The following DMD variants were observed in gnomAD, a reference collection of about 807,000 sequenced individuals.
The protein encoded by DMD is mutant dystrophin.
A neutral mutation model predicts 330.1 loss-of-function variants in DMD; 63 were observed. The observed-to-expected ratio is 0.19, with a 90% CI of 0.16 to 0.24. The LOEUF (loss-of-function observed/expected upper bound fraction) is 0.24. Ranked by LOEUF, DMD falls within the 10% of genes least tolerant of loss-of-function variation. DMD has a pLI of 1.00. For missense variants in DMD, 3,344 were observed against 2,684.1 expected (o/e 1.25, Z -5.43); for synonymous variants, 1,223 against 959.8 (o/e 1.27, Z -5.07).
intron 2 of DMD, among the ~76,000 whole-genome samples, chrX:33,018,539 G>A (rs1001891696): frequency 3.6e-5 from 4 of 111,575 alleles, no homozygotes; most frequent in Non-Finnish European, 7.5e-5. Context: ...TGCACAGAGC[G>A]AAGATCTATT....
At chrX:33,281,034 A>G (rs1249641783) in intron 1 of DMD, among the ~76,000 whole-genome samples, 1 of 112,016 alleles carries the variant, frequency 8.9e-6, no homozygotes, top group East Asian at 2.8e-4. Flanking sequence ...GAGAATTCAC[A>G]TCTTTACTAT....
intron 60 of DMD, chrX:31,435,709 C>T (rs2064464660): frequency 9.0e-6 from 1 of 111,714 alleles, no homozygotes; most frequent in Non-Finnish European, 1.9e-5. Flanking sequence ...TACTGGCGGC[C>T]ATGTGAGAAC....
At chrX:32,918,183 C>T (rs573698682) in intron 2 of DMD, among the ~76,000 whole-genome samples, 5 of 110,651 alleles carry the variant, frequency 4.5e-5, no homozygotes, top group African/African-American at 1.3e-4. Context: ...GTTGGACATA[C>T]GCATACACAC....
chrX:32,865,727 G>A (rs920350667), intron 2 of DMD, among the ~76,000 whole-genome samples: 2 of 112,427 alleles, frequency 1.8e-5, no homozygotes, highest in African/African-American at 6.5e-5. Context: ...TATTTTGACT[G>A]ACACTTTAAC....
At chrX:32,769,370 C>A (rs768850923) in intron 7 of DMD, among the ~76,000 whole-genome samples, 1 of 110,933 alleles carries the variant, frequency 9.0e-6, no homozygotes, top group East Asian at 2.9e-4. Flanking sequence ...GAAAACAGCA[C>A]GGGAAAGACC....
intron 7 of DMD, among the ~76,000 whole-genome samples, chrX:32,759,651 T>G (rs762593753): frequency 8.9e-6 from 1 of 112,001 alleles, no homozygotes; most frequent in Non-Finnish European, 1.9e-5. Context: ...AGTGATTCTT[T>G]AGCAATTTTC....
intron 43 of DMD, among the ~76,000 whole-genome samples, chrX:32,251,793 C>T (rs1424423326): frequency 1.8e-5 from 2 of 110,692 alleles, no homozygotes; most frequent in African/African-American, 6.6e-5. Flanking sequence ...AACTTAGAAA[C>T]GTAACAAGAC....
chrX:32,983,971 G>C (rs1233997472), intron 2 of DMD, among the ~76,000 whole-genome samples: 6 of 111,121 alleles, frequency 5.4e-5, no homozygotes, highest in Non-Finnish European at 1.1e-4. Context: ...GGACTTTATG[G>C]ACATGAACTT....
intron 48 of DMD, among the ~76,000 whole-genome samples, chrX:31,867,089 T>TATATATATATATATATATATATA (rs1395456607): frequency 7.9e-5 from 5 of 63,460 alleles, no homozygotes; most frequent in African/African-American, 3.6e-4. Context: ...GCAACATATT[T>TATATATATATATATATATATATA]TGATATATAT....
chrX:32,453,800 C>CA (rs1329542905), intron 26 of DMD, among the ~76,000 whole-genome samples: 1 of 110,934 alleles, frequency 9.0e-6, no homozygotes, highest in East Asian at 2.8e-4. Context: ...TCTGGCTCCA[C>CA]ATTGATTTTT....
chrX:32,954,644 T>A (rs919113965), intron 2 of DMD, among the ~76,000 whole-genome samples: 2 of 111,382 alleles, frequency 1.8e-5, no homozygotes, highest in Non-Finnish European at 3.8e-5. Context: ...CATCCAGATA[T>A]AAGCCTACTA....
chrX:33,178,429 C>G (rs368257570), intron 1 of DMD, among the ~76,000 whole-genome samples: 1 of 111,940 alleles, frequency 8.9e-6, no homozygotes, highest in Non-Finnish European at 1.9e-5. Flanking sequence ...GGCAAGGCAA[C>G]AAATCTCTCT....
rs1374628764 is a variant in DMD, at chrX:33,009,226, A to G, written c.93+10913T>C. ...TGTATATATACACATATGTGCATAT[A>G]TGTGTATATATACACATGTGCATAT... is the stretch of plus-strand genomic sequence containing the variant. On this transcript the variant is annotated intron_variant, in intron 2 of 78. Coordinates refer to ENST00000357033, the MANE Select transcript of DMD (RefSeq NM_004006.3). Among the ~76,000 whole-genome samples the G allele has an allele frequency of 2.2e-5, 2 of 90,530 alleles. 1 individual carries two copies. Among genetic ancestry groups the G allele is most frequent in the African/African-American group, 8.8e-5 (2 of 22,710 alleles). 78.6% of individuals were successfully genotyped at this position (90,530 alleles called of 115,157 possible).
chrX:32,578,357 G>T (rs1390472128), intron 13 of DMD, among the ~76,000 whole-genome samples: 1 of 112,099 alleles, frequency 8.9e-6, no homozygotes, highest in Non-Finnish European at 1.9e-5. Context: ...AATGGTAAAA[G>T]AAGTTAATTT....
chrX:32,020,685 G>A (rs1231083246), intron 44 of DMD, among the ~76,000 whole-genome samples: 1 of 111,951 alleles, frequency 8.9e-6, no homozygotes, highest in Non-Finnish European at 1.9e-5. Flanking sequence ...TTCAACTTCC[G>A]GAACTGCAAG....
rs771005654 is a variant in DMD at position 32,765,231 on chromosome X, G to C, written c.649+44262C>G. The stretch of plus-strand genomic sequence containing the variant: ...AATTGTAATCCCCAATGTTGGAGTT[G>C]GTGTCTGGTGGGAGGTGATTGGATC... On this transcript the variant is annotated intron_variant, in intron 7 of 78. Transcript: ENST00000357033. Among the ~76,000 whole-genome samples, 13 of 110,798 alleles carry C rather than the reference G, an allele frequency of 1.2e-4. No individual in the cohort carries two copies. In the East Asian group the frequency reaches 1.4e-3, roughly 12 times the overall value.
chrX:32,709,042 G>C (rs140723071), intron 7 of DMD, among the ~76,000 whole-genome samples: 334 of 112,001 alleles, frequency 3.0e-3, no homozygotes, highest in African/African-American at 9.3e-3. Context: ...ACCCAATCAA[G>C]AAGTAGCAAA....
At chrX:31,278,088 A>G (rs2052316957) in intron 62 of DMD, among the ~76,000 whole-genome samples, 1 of 110,957 alleles carries the variant, frequency 9.0e-6, no homozygotes, top group Non-Finnish European at 1.9e-5. Flanking sequence ...TTTTCTTTCA[A>G]TCATACAAGC....
intron 15 of DMD, among the ~76,000 whole-genome samples, chrX:32,568,288 T>C (rs1454074200): frequency 9.0e-6 from 1 of 111,356 alleles, no homozygotes; most frequent in African/African-American, 3.3e-5. Flanking sequence ...GGCGGGCGGA[T>C]CACGAGGTCA....
Sources: gnomAD v4.1 joint callset for allele counts (sites outside exome capture counted in the v4.1 genomes callset) on GRCh38, gnomAD v4.1.1 for gene constraint, MANE v1.5 for transcripts, NCBI Gene and HGNC (gene_info 2026-07-23, HGNC 2026-07-21) for gene names.